GPC6: variants seen among roughly 807,000 people sequenced by gnomAD.
GPC6 encodes glypican-6.
Under a neutral mutation model 55.2 loss-of-function variants are expected in GPC6, and 14 were observed. The observed-to-expected ratio is 0.25, with a 90% confidence interval of 0.17 to 0.40. GPC6 has a LOEUF of 0.40. Ranked by LOEUF, GPC6 falls within the 10% of genes least tolerant of loss-of-function variation. GPC6 has a pLI of 1.00. For missense variants in GPC6, 641 were observed against 708.5 expected (o/e 0.90, Z 1.08); for synonymous variants, 278 against 259.6 (o/e 1.07, Z -0.68).
chr13:93,975,801 A>G (rs934207324), intron 3 of GPC6, among the ~76,000 whole-genome samples: 1 of 152,162 alleles, frequency 6.6e-6, no homozygotes, highest in African/African-American at 2.4e-5. Flanking sequence ...TAAATGTATT[A>G]GATTTTTTAA....
intron 4 of GPC6, among the ~76,000 whole-genome samples, chr13:94,211,988 A>G (rs1283883322): frequency 6.6e-6 from 1 of 152,198 alleles, no homozygotes; most frequent in Non-Finnish European, 1.5e-5. Context: ...AGTGAACATT[A>G]AATTCTCTCC....
intron 4 of GPC6, among the ~76,000 whole-genome samples, chr13:94,266,436 G>A (rs1245918875): frequency 4.6e-5 from 7 of 152,110 alleles, no homozygotes; most frequent in Non-Finnish European, 7.4e-5. Flanking sequence ...CCAAAGTGCT[G>A]GGATTACAGG....
intron 3 of GPC6, among the ~76,000 whole-genome samples, chr13:93,932,427 G>T (rs1878223907): frequency 6.6e-6 from 1 of 152,052 alleles, no homozygotes. Flanking sequence ...CTCCTCGGGT[G>T]TCACTAACAA....
chr13:93,262,092 C>T (rs375242567), intron 1 of GPC6, among the ~76,000 whole-genome samples: 8 of 152,258 alleles, frequency 5.3e-5, no homozygotes, highest in African/African-American at 1.9e-4. Context: ...AATAGCCCCT[C>T]AACCCTTAGC....
intron 2 of GPC6, among the ~76,000 whole-genome samples, chr13:93,572,441 G>A (rs1320272516): frequency 6.6e-6 from 1 of 152,038 alleles, no homozygotes; most frequent in African/African-American, 2.4e-5. Context: ...CCACATCACA[G>A]GTAGCTTGTT....
At chr13:93,729,510 C>A (rs1216551736) in intron 2 of GPC6, among the ~76,000 whole-genome samples, 1 of 152,104 alleles carries the variant, frequency 6.6e-6, no homozygotes, top group African/African-American at 2.4e-5. Context: ...GTATACTCAT[C>A]CAAATGCCTA....
intron 1 of GPC6, among the ~76,000 whole-genome samples, chr13:93,340,946 T>G (rs1566307542): frequency 1.3e-5 from 2 of 152,084 alleles, no homozygotes; most frequent in Non-Finnish European, 2.9e-5. Flanking sequence ...CCTTCCAAAT[T>G]TCCCCCTGGA....
At chr13:93,944,406 G>A (rs1201040269) in intron 3 of GPC6, among the ~76,000 whole-genome samples, 1 of 151,938 alleles carries the variant, frequency 6.6e-6, no homozygotes, top group African/African-American at 2.4e-5. Flanking sequence ...GGGTTTCACT[G>A]TGTTAGCCAG....
chr13:94,038,708 G>A (rs1391415646), intron 4 of GPC6, among the ~76,000 whole-genome samples: 1 of 151,928 alleles, frequency 6.6e-6, no homozygotes, highest in Non-Finnish European at 1.5e-5. Flanking sequence ...CACATTCACA[G>A]AGCACTGAGG....
intron 1 of GPC6, among the ~76,000 whole-genome samples, chr13:93,331,725 A>C (rs1260150701): frequency 6.6e-6 from 1 of 152,000 alleles, no homozygotes; most frequent in Non-Finnish European, 1.5e-5. Context: ...AAACTCTATC[A>C]GTTTACCCTG....
chr13:94,121,389 A>G (rs945172425), intron 4 of GPC6, among the ~76,000 whole-genome samples: 1 of 152,136 alleles, frequency 6.6e-6, no homozygotes, highest in Non-Finnish European at 1.5e-5. Context: ...ATATTATCCT[A>G]TCGCACTTTG....
intron 2 of GPC6, among the ~76,000 whole-genome samples, chr13:93,577,036 G>T (rs983440088): frequency 6.6e-6 from 1 of 152,112 alleles, no homozygotes; most frequent in Non-Finnish European, 1.5e-5. Context: ...ACATGTTTTT[G>T]TGATGATGCC....
At chr13:94,083,034 G>A (rs1885154976) in intron 4 of GPC6, among the ~76,000 whole-genome samples, 2 of 152,166 alleles carry the variant, frequency 1.3e-5, no homozygotes, top group Admixed American at 6.5e-5. Context: ...TTTTCACCTA[G>A]GTCCCTGCTG....
rs190221866 is a variant in GPC6 at position 94,196,100 on chromosome 13, C to G, written c.878-90249C>G. Among the ~76,000 whole-genome samples the G allele has an allele frequency of 1.4e-3, 211 of 151,932 alleles. 2 individuals are homozygous for G. The highest frequency in any genetic ancestry group is 1.9e-3 in the Non-Finnish European group (129 of 67,982). On this transcript the variant is annotated intron_variant, in intron 4 of 8. Coordinates refer to ENST00000377047, the MANE Select transcript of GPC6 (RefSeq NM_005708.5). Reference sequence around the variant, plus strand: ...CAAAAGATAGATGGCCTTTGAGACACTTGTCACTAGTGAAATAGATTTTGT... The same window carrying G: ...CAAAAGATAGATGGCCTTTGAGACAGTTGTCACTAGTGAAATAGATTTTGT...
intron 4 of GPC6, among the ~76,000 whole-genome samples, chr13:94,060,213 G>A (rs773905839): frequency 3.3e-5 from 5 of 152,040 alleles, no homozygotes; most frequent in African/African-American, 4.8e-5. Flanking sequence ...GTCTCCAATC[G>A]CTGGTACCAT....
intron 7 of GPC6, among the ~76,000 whole-genome samples, chr13:94,398,092 C>A (rs1880970092): frequency 6.6e-6 from 1 of 152,104 alleles, no homozygotes; most frequent in South Asian, 2.1e-4. Context: ...AACTGTGAAT[C>A]TATTAAACCT....
intron 1 of GPC6, among the ~76,000 whole-genome samples, chr13:93,296,986 G>A (rs781726783): frequency 5.3e-5 from 8 of 152,136 alleles, no homozygotes; most frequent in Non-Finnish European, 7.3e-5. Flanking sequence ...AGGGATGGTT[G>A]GAAACAACTG....
intron 4 of GPC6, among the ~76,000 whole-genome samples, chr13:94,221,674 C>A (rs1890388977): frequency 6.6e-6 from 1 of 151,986 alleles, no homozygotes; most frequent in Non-Finnish European, 1.5e-5. Flanking sequence ...CTCCTTTTTG[C>A]CTTCACTGAA....
intron 2 of GPC6, among the ~76,000 whole-genome samples, chr13:93,643,363 G>C (rs950770685): frequency 6.6e-6 from 1 of 152,040 alleles, no homozygotes; most frequent in African/African-American, 2.4e-5. Context: ...AGCTGGGCCT[G>C]AGAATTAAAT....
Sources: allele counts gnomAD v4.1 joint callset (sites outside exome capture counted in the v4.1 genomes callset), GRCh38; gene constraint gnomAD v4.1.1; transcripts MANE v1.5; gene names NCBI Gene and HGNC (gene_info 2026-07-23, HGNC 2026-07-21).